The following KIF26B variants were observed in gnomAD, a reference collection of about 807,000 sequenced individuals.
KIF26B encodes kinesin family member 26B.
In KIF26B, 63 loss-of-function variants were observed where a neutral mutation model predicts 151.2. The observed-to-expected ratio is 0.42, with a 90% confidence interval of 0.34 to 0.51. The LOEUF (loss-of-function observed/expected upper bound fraction) is 0.51, where lower values mean the gene tolerates loss of function less well. Ranked by LOEUF, KIF26B falls within the 20% of genes least tolerant of loss-of-function variation. KIF26B has a pLI of 0.07. For synonymous variants in KIF26B, 1,357 were observed against 1,262.1 expected, an observed-to-expected ratio of 1.08 and a Z score of -1.59; for missense variants, 2,813 against 2,913.6, an observed-to-expected ratio of 0.97 and a Z score of 0.79.
intron 12 of KIF26B, among the ~76,000 whole-genome samples, chr1:245,689,935 G>A (rs2044601506): frequency 6.6e-6 from 1 of 152,150 alleles, no homozygotes; most frequent in South Asian, 2.1e-4. Context: ...CCACAGACTT[G>A]TTAATTGGAG....
chr1:245,466,868 G>A (rs546212679), intron 4 of KIF26B, among the ~76,000 whole-genome samples: 6 of 152,258 alleles, frequency 3.9e-5, no homozygotes, highest in Admixed American at 6.5e-5. Flanking sequence ...AGAGGTTGCC[G>A]TGAGCTGAGA....
At chr1:245,171,286 G>A (rs969910789) in intron 2 of KIF26B, among the ~76,000 whole-genome samples, 4 of 152,240 alleles carry the variant, frequency 2.6e-5, no homozygotes, top group African/African-American at 7.2e-5. Flanking sequence ...GCTCACGCCT[G>A]TAATCCCAGC....
intron 2 of KIF26B, among the ~76,000 whole-genome samples, chr1:245,209,120 C>G (rs1031346337): frequency 6.6e-6 from 1 of 152,188 alleles, no homozygotes; most frequent in Non-Finnish European, 1.5e-5. Flanking sequence ...CATTAACAGG[C>G]CAGGCGCAGT....
At chr1:245,246,024 G>A (rs1346465980) in intron 2 of KIF26B, among the ~76,000 whole-genome samples, 2 of 151,670 alleles carry the variant, frequency 1.3e-5, no homozygotes, top group Non-Finnish European at 2.9e-5. Context: ...CCTGGGAGGC[G>A]GAGCTTGCCA....
intron 4 of KIF26B, among the ~76,000 whole-genome samples, chr1:245,511,936 C>T (rs1660846666): frequency 6.6e-6 from 1 of 152,128 alleles, no homozygotes. Flanking sequence ...ATATGATCTG[C>T]CTTTTCTTCA....
chr1:245,217,243 T>C (rs188666156), intron 2 of KIF26B, among the ~76,000 whole-genome samples: 1 of 152,188 alleles, frequency 6.6e-6, no homozygotes, highest in Non-Finnish European at 1.5e-5. Flanking sequence ...AATTTAGCAG[T>C]GAAACAGGAA....
rs10924242 is a variant in KIF26B at position 245,564,161 on chromosome 1, A to G, written c.1350+23211A>G. Among the ~76,000 whole-genome samples, 98,897 of 151,792 alleles carry G rather than the reference A, an allele frequency of 0.65. 34,058 individuals are homozygous for G. Among genetic ancestry groups the G allele is most frequent in the East Asian group, 0.86 (4,410 of 5,144 alleles). On this transcript the variant is annotated intron_variant, in intron 5 of 14. Coordinates refer to ENST00000407071, the MANE Select transcript of KIF26B (RefSeq NM_018012.4). This position sits in a 1 kb window ranked among gnomAD's most constrained non-coding sequence, Gnocchi z 4.6. Reference sequence around the variant, plus strand: ...GTGTTGCAGCCACACTGAAGCCTCAATGTCCCCTAAACATTCCAGACCCTC... The same window carrying G: ...GTGTTGCAGCCACACTGAAGCCTCAGTGTCCCCTAAACATTCCAGACCCTC...
rs536634665 is a variant in KIF26B, at chr1:245,562,118, G to GGGACTTTACC, written c.1350+21169_1350+21170insGACTTTACCG. Among the ~76,000 whole-genome samples, 182 of 152,194 alleles carry GGGACTTTACC rather than the reference G, an allele frequency of 1.2e-3. 2 individuals carry two copies. The South Asian group carries it at 0.03, about 25-fold the overall frequency. ...TCCAGCCGTACTTTGTCTCCGCGGT[G>GGGACTTTACC]GTGCTCAGACTTAAAGCACTTCTCA... On this transcript the variant is annotated intron_variant, in intron 5 of 14. Coordinates refer to ENST00000407071, the MANE Select transcript of KIF26B (RefSeq NM_018012.4).
intron 4 of KIF26B, among the ~76,000 whole-genome samples, chr1:245,526,260 C>T (rs570296134): frequency 2.0e-5 from 3 of 152,298 alleles, no homozygotes; most frequent in African/African-American, 7.2e-5. Context: ...AACACTCCAG[C>T]CCAGGTAACC....
chr1:245,637,996 AT>A (rs2043852982), intron 9 of KIF26B, among the ~76,000 whole-genome samples: 1 of 151,758 alleles, frequency 6.6e-6, no homozygotes, highest in African/African-American at 2.4e-5. Context: ...GTTTTTTGTG[AT>A]TCTATAAGAA....
rs948555929 is a variant in KIF26B, at chr1:245,649,394, C to T, written c.2258+3114C>T. 1.4e-4 allele frequency among the ~76,000 whole-genome samples: 22 copies of T among 152,252 alleles called. 1 individual carries two copies. Among genetic ancestry groups the T allele is most frequent in the Non-Finnish European group, 2.8e-4 (19 of 68,030 alleles). ...CCACGCCCACTTCTCATCAAGCTCC[C>T]GAAATGTCGGAGCTGCCTTCACTGC... On this transcript the variant is annotated intron_variant, in intron 10 of 14. Transcript: ENST00000407071.
At chr1:245,171,800 C>G (rs1668714402) in intron 2 of KIF26B, among the ~76,000 whole-genome samples, 1 of 152,168 alleles carries the variant, frequency 6.6e-6, no homozygotes, top group South Asian at 2.1e-4. Flanking sequence ...ATATTTTGCT[C>G]TGCCGCATAC....
At chr1:245,460,029 G>A (rs1007527387) in intron 4 of KIF26B, among the ~76,000 whole-genome samples, 4 of 152,122 alleles carry the variant, frequency 2.6e-5, no homozygotes, top group Admixed American at 2.6e-4. Flanking sequence ...ATCTAGGCTG[G>A]AGTGCAGTGG....
chr1:245,312,196 G>A (rs577338272), intron 2 of KIF26B, among the ~76,000 whole-genome samples: 1 of 152,118 alleles, frequency 6.6e-6, no homozygotes, highest in Non-Finnish European at 1.5e-5. Context: ...CTTCCCGCCA[G>A]GTAAATATTG....
rs141490741 is a variant in KIF26B at position 245,598,507 on chromosome 1, C to T, written c.1351-4070C>T. Reference sequence around the variant, plus strand: ...TGCACCATGTGGCTACGCTCCGTGACGAGGGAAAAACAGGAATATCTGTCT... The same window carrying T: ...TGCACCATGTGGCTACGCTCCGTGATGAGGGAAAAACAGGAATATCTGTCT... On this transcript the variant is annotated intron_variant, in intron 5 of 14. Coordinates refer to ENST00000407071, the MANE Select transcript of KIF26B (RefSeq NM_018012.4). 3.3e-5 allele frequency among the ~76,000 whole-genome samples: 5 copies of T among 152,208 alleles called. No individual in the cohort carries two copies. The East Asian group carries it at 7.7e-4, about 24-fold the overall frequency.
rs1024632943 is a variant in KIF26B at position 245,249,400 on chromosome 1, C to A, written c.465+92717C>A. 1.6e-4 allele frequency among the ~76,000 whole-genome samples: 24 copies of A among 152,022 alleles called. 1 individual carries two copies. The highest frequency in any genetic ancestry group is 5.5e-4 in the African/African-American group (23 of 41,506). ...AAGTGTGAGGCACCGCGCCCAGCCACAAGATGAGTTTTAATGGCCAAACAG... is the reference window on the plus strand; with the variant it reads ...AAGTGTGAGGCACCGCGCCCAGCCAAAAGATGAGTTTTAATGGCCAAACAG... On this transcript the variant is annotated intron_variant, in intron 2 of 14. Coordinates refer to ENST00000407071, the MANE Select transcript of KIF26B (RefSeq NM_018012.4).
At chr1:245,354,843 T>G (rs1051043980) in intron 2 of KIF26B, among the ~76,000 whole-genome samples, 5 of 152,224 alleles carry the variant, frequency 3.3e-5, no homozygotes, top group African/African-American at 1.2e-4. Context: ...TGAGAAGGAA[T>G]CAGAGGAGAG....
At chr1:245,499,319 A>G (rs1442167939) in intron 4 of KIF26B, among the ~76,000 whole-genome samples, 1 of 152,116 alleles carries the variant, frequency 6.6e-6, no homozygotes, top group African/African-American at 2.4e-5. Context: ...AACCTAGGTT[A>G]ATCCAACATA....
rs1363197024 is a variant in KIF26B at position 245,687,570 on chromosome 1, C to T, written c.4587C>T (p.Asn1529=). The stretch of plus-strand genomic sequence containing the variant: ...CCACCCAGAGCCCCGTGCATCCCAA[C>T]AAAAGCGTCAAGTCCAGCAGCCTTC... ...GLATQSPVHP[N]KSVKSSSLPR... is the part of the protein sequence containing the mutation. Residue 1529 remains asparagine (N), a synonymous_variant, in exon 12 of 15, where the codon AAC becomes AAT. Coordinates refer to ENST00000407071, the MANE Select transcript of KIF26B (RefSeq NM_018012.4). This position sits in a 1 kb window ranked among gnomAD's most constrained non-coding sequence, Gnocchi z 4.9. The T allele has an allele frequency of 6.4e-7, 1 of 1,564,946 alleles. No individual in the cohort carries two copies. The highest frequency in any genetic ancestry group is 2.4e-5 in the East Asian group (1 of 41,754).
Sources: gnomAD v4.1 joint callset for allele counts (sites outside exome capture counted in the v4.1 genomes callset) on GRCh38, gnomAD v4.1.1 for gene constraint, Gnocchi (gnomAD v3.1) non-coding constraint, MANE v1.5 for transcripts, NCBI Gene and HGNC (gene_info 2026-07-23, HGNC 2026-07-21) for gene names.